Variants in KCNK1 observed in about 807,000 individuals in gnomAD.
KCNK1 encodes potassium channel subfamily K member 1.
In KCNK1, 10 loss-of-function variants were observed where a neutral mutation model predicts 22.2. That is an observed-to-expected ratio of 0.45 (90% CI 0.28 to 0.76). KCNK1 has a LOEUF of 0.76. Among genes scored for constraint, KCNK1 ranks in the 30% least tolerant of loss-of-function variants. The pLI, the probability that KCNK1 is intolerant of heterozygous loss-of-function variation, is 0.14. For synonymous variants in KCNK1, 200 were observed against 186.4 expected (o/e 1.07, Z -0.60); for missense variants, 378 against 421.0 (o/e 0.90, Z 0.89).
intron 1 of KCNK1, among the ~76,000 whole-genome samples, chr1:233,616,088 C>T (rs559253340): frequency 2.2e-4 from 33 of 152,334 alleles, no homozygotes; most frequent in Admixed American, 4.6e-4. Context: ...TTCCTCAGAT[C>T]ATTTAGGAGT....
rs1323197900 is a variant in KCNK1 at position 233,614,202 on chromosome 1, G to C, written c.31G>C (p.Val11Leu). Reference sequence around the variant, plus strand: ...GCAGTCCCTGGCCGGCAGCTCGTGCGTGCGCCTGGTGGAGCGGCACCGCTC... The same window carrying C: ...GCAGTCCCTGGCCGGCAGCTCGTGCCTGCGCCTGGTGGAGCGGCACCGCTC... The part of the protein sequence containing the change: MLQSLAGSSC[V>L]RLVERHRSAW... Residue 11 changes from valine (V) to leucine (L), a missense_variant, in exon 1 of 3, where the codon GTG becomes CTG. Transcript: ENST00000366621. 5.6e-6 allele frequency: 9 copies of C among 1,608,514 alleles called. No homozygotes were observed. The highest frequency in any genetic ancestry group is 7.6e-6 in the Non-Finnish European group (9 of 1,179,538).
chr1:233,638,751 C>T (rs938527352), intron 1 of KCNK1, among the ~76,000 whole-genome samples: 1 of 152,052 alleles, frequency 6.6e-6, no homozygotes, highest in Non-Finnish European at 1.5e-5. Flanking sequence ...TCCATGGGCT[C>T]GATGACTAAG....
At chr1:233,642,593 G>C (rs919184945) in intron 1 of KCNK1, among the ~76,000 whole-genome samples, 16 of 152,334 alleles carry the variant, frequency 1.1e-4, no homozygotes, top group African/African-American at 3.8e-4. Flanking sequence ...GGTGGGCAGG[G>C]CTTGTTTGTG....
At chr1:233,623,799 C>A (rs1459265072) in intron 1 of KCNK1, among the ~76,000 whole-genome samples, 2 of 152,058 alleles carry the variant, frequency 1.3e-5, no homozygotes, top group Non-Finnish European at 2.9e-5. Flanking sequence ...ATGTTGGTTG[C>A]CATGCTGGTC....
intron 1 of KCNK1, among the ~76,000 whole-genome samples, chr1:233,660,106 C>T (rs1658366340): frequency 6.6e-6 from 1 of 152,182 alleles, no homozygotes; most frequent in South Asian, 2.1e-4. Context: ...ACATTTGCTG[C>T]ATCAGTGTTG....
chr1:233,640,240 C>T (rs1318127171), intron 1 of KCNK1, among the ~76,000 whole-genome samples: 1 of 152,018 alleles, frequency 6.6e-6, no homozygotes, highest in African/African-American at 2.4e-5. Flanking sequence ...TTCTAAAAGG[C>T]GTGGAAACAT....
intron 1 of KCNK1, among the ~76,000 whole-genome samples, chr1:233,619,215 G>T (rs1025062112): frequency 2.0e-5 from 3 of 151,866 alleles, no homozygotes; most frequent in African/African-American, 7.3e-5. Flanking sequence ...GGAGAGCGTG[G>T]TCTTGCTTTG....
At chr1:233,628,391 C>G (rs950802873) in intron 1 of KCNK1, among the ~76,000 whole-genome samples, 4 of 152,140 alleles carry the variant, frequency 2.6e-5, no homozygotes, top group Non-Finnish European at 5.9e-5. Flanking sequence ...GCCCAAGCCT[C>G]ACCATTATGC....
chr1:233,659,436 TA>T (rs544919369), intron 1 of KCNK1, among the ~76,000 whole-genome samples: 36 of 148,680 alleles, frequency 2.4e-4, no homozygotes, highest in Admixed American at 1.8e-3. Flanking sequence ...TATTTTTTAT[TA>T]AAAAAAATGT....
chr1:233,659,013 CTTTAA>C (rs1057176236), intron 1 of KCNK1, among the ~76,000 whole-genome samples: 97 of 152,020 alleles, frequency 6.4e-4, no homozygotes, highest in African/African-American at 2.1e-3. Flanking sequence ...TATTTTCTTT[CTTTAA>C]TTTATTATAT....
intron 1 of KCNK1, among the ~76,000 whole-genome samples, chr1:233,621,602 G>A (rs1657587974): frequency 6.6e-6 from 1 of 152,192 alleles, no homozygotes; most frequent in Non-Finnish European, 1.5e-5. Flanking sequence ...AGGCAGGGAA[G>A]TGTATAATAA....
chr1:233,628,921 A>T (rs966062215), intron 1 of KCNK1, among the ~76,000 whole-genome samples: 1 of 152,012 alleles, frequency 6.6e-6, no homozygotes, highest in Non-Finnish European at 1.5e-5. Flanking sequence ...AAAGCGTTGA[A>T]CTGGGGATTG....
chr1:233,628,498 G>A (rs1014144951), intron 1 of KCNK1, among the ~76,000 whole-genome samples: 1 of 152,114 alleles, frequency 6.6e-6, no homozygotes, highest in Non-Finnish European at 1.5e-5. Flanking sequence ...GGTGGCTCAC[G>A]CCTGGAATCC....
intron 1 of KCNK1, among the ~76,000 whole-genome samples, chr1:233,653,292 C>A (rs1658231484): frequency 1.3e-5 from 2 of 152,200 alleles, no homozygotes; most frequent in Admixed American, 6.5e-5. Flanking sequence ...GCATGCCCCA[C>A]TTTTGAAACC....
At chr1:233,641,161 C>G (rs564187564) in intron 1 of KCNK1, among the ~76,000 whole-genome samples, 2 of 152,224 alleles carry the variant, frequency 1.3e-5, no homozygotes, top group African/African-American at 4.8e-5. Context: ...GTAGGACACT[C>G]TGTAGGTCCT....
In KCNK1 at chr1:233,616,312, G is replaced by A. The variant is rs958544103; in HGVS notation, c.355+1786G>A. Among the ~76,000 whole-genome samples, 4 of 152,230 alleles carry A rather than the reference G, an allele frequency of 2.6e-5. No homozygotes were observed. The South Asian group carries it at 6.2e-4, about 24-fold the overall frequency. The stretch of plus-strand genomic sequence containing the variant: ...AGAACAGTTTTGAGGAAAAAGGTTT[G>A]CTTTTATCTGGGTGGGATTTTTCGT... On this transcript the variant is annotated intron_variant, in intron 1 of 2. Coordinates refer to ENST00000366621, the MANE Select transcript of KCNK1 (RefSeq NM_002245.4).
At chr1:233,617,981 C>A (rs1657513827) in intron 1 of KCNK1, among the ~76,000 whole-genome samples, 1 of 152,094 alleles carries the variant, frequency 6.6e-6, no homozygotes, top group African/African-American at 2.4e-5. Flanking sequence ...AGCTAAATAA[C>A]TGGAGGAATT....
chr1:233,624,815 C>T (rs773651686), intron 1 of KCNK1, among the ~76,000 whole-genome samples: 21 of 152,176 alleles, frequency 1.4e-4, no homozygotes, highest in Non-Finnish European at 2.4e-4. Context: ...GAGAGGCATT[C>T]ATTCCTCTCT....
At chr1:233,667,772 T>C (rs1658526273) in intron 2 of KCNK1, among the ~76,000 whole-genome samples, 1 of 150,396 alleles carries the variant, frequency 6.6e-6, no homozygotes, top group Non-Finnish European at 1.5e-5. Flanking sequence ...CAGAATGTAC[T>C]TGATAACCAA....
Sources: gnomAD v4.1 joint callset for allele counts (sites outside exome capture counted in the v4.1 genomes callset) on GRCh38, gnomAD v4.1.1 for gene constraint, MANE v1.5 for transcripts, NCBI Gene and HGNC (gene_info 2026-07-23, HGNC 2026-07-21) for gene names.